OR9Q1: variants seen among roughly 807,000 people sequenced by gnomAD.
The protein encoded by OR9Q1 is olfactory receptor family 9 subfamily Q member 1.
For missense variants in OR9Q1, 374 were observed against 378.8 expected, an observed-to-expected ratio of 0.99 and a Z score of 0.11; for synonymous variants, 153 against 148.6, an observed-to-expected ratio of 1.03 and a Z score of -0.22.
At chr11:58,090,160 C>A (rs1565073424) in intron 2 of OR9Q1, among the ~76,000 whole-genome samples, 1 of 152,160 alleles carries the variant, frequency 6.6e-6, no homozygotes, top group African/African-American at 2.4e-5. Context: ...TCTGATTGCG[C>A]TGGTCAGAAC....
chr11:58,127,072 C>T (rs147707368), intron 2 of OR9Q1, among the ~76,000 whole-genome samples: 334 of 152,306 alleles, frequency 2.2e-3, no homozygotes, highest in African/African-American at 7.5e-3. Flanking sequence ...ACCTCTGCCT[C>T]CCTAGTAGCT....
intron 1 of OR9Q1, among the ~76,000 whole-genome samples, chr11:58,053,465 G>A (rs71460555): frequency 5.1e-5 from 4 of 78,946 alleles, no homozygotes; most frequent in Admixed American, 3.5e-4. Context: ...GGGGGAGGGG[G>A]GAGGGATAGC....
At chr11:58,046,322 T>C (rs983225574) in intron 1 of OR9Q1, among the ~76,000 whole-genome samples, 1 of 152,138 alleles carries the variant, frequency 6.6e-6, no homozygotes, top group Non-Finnish European at 1.5e-5. Context: ...GTGATAGTCA[T>C]GGGAATAAAA....
At chr11:58,097,397 A>G (rs1012542478) in intron 2 of OR9Q1, among the ~76,000 whole-genome samples, 1 of 152,224 alleles carries the variant, frequency 6.6e-6, no homozygotes, top group Non-Finnish European at 1.5e-5. Flanking sequence ...ATGTGTATTT[A>G]ACATTATAAG....
rs756729302 is a variant in OR9Q1, at chr11:58,179,741, T to A, written c.297T>A (p.Ala99=). The change falls in exon 3 of 3, where the codon GCT becomes GCA. Residue 99 remains alanine (A), a synonymous_variant. Transcript: ENST00000335397. ...GAALSYTRCA[A]QFFLFTFFGS... ...CTTTATCTTACACACGCTGTGCTGC[T>A]CAGTTCTTTCTGTTCACCTTCTTTG... 6.2e-7 allele frequency: 1 copy of A among 1,614,092 alleles called. No homozygotes were observed. Among genetic ancestry groups the A allele is most frequent in the Non-Finnish European group, 8.5e-7 (1 of 1,180,044 alleles).
intron 2 of OR9Q1, among the ~76,000 whole-genome samples, chr11:58,140,150 A>C (rs2119865014): frequency 1.3e-5 from 2 of 151,820 alleles, no homozygotes; most frequent in Middle Eastern, 3.4e-3. Context: ...TTTTTCTTGT[A>C]AATTTGTTTG....
intron 1 of OR9Q1, among the ~76,000 whole-genome samples, chr11:58,030,734 T>C (rs1478068266): frequency 6.6e-6 from 1 of 152,246 alleles, no homozygotes; most frequent in African/African-American, 2.4e-5. Flanking sequence ...GTATCCTGCC[T>C]TATTCTTAGC....
chr11:58,158,061 G>C (rs1854424044), intron 2 of OR9Q1, among the ~76,000 whole-genome samples: 1 of 152,154 alleles, frequency 6.6e-6, no homozygotes, highest in African/African-American at 2.4e-5. Flanking sequence ...AAGCTGAACG[G>C]CTGTGAGGCC....
At chr11:58,090,315 C>T (rs923773454) in intron 2 of OR9Q1, among the ~76,000 whole-genome samples, 5 of 152,094 alleles carry the variant, frequency 3.3e-5, no homozygotes, top group African/African-American at 1.2e-4. Flanking sequence ...TTTTGAGATA[C>T]GTTCCATCAA....
chr11:58,132,418 G>T (rs147302560), intron 2 of OR9Q1, among the ~76,000 whole-genome samples: 374 of 152,242 alleles, frequency 2.5e-3, no homozygotes, highest in African/African-American at 8.7e-3. Flanking sequence ...CTGAGCCTCG[G>T]TTTCCTCAGT....
intron 2 of OR9Q1, among the ~76,000 whole-genome samples, chr11:58,090,544 T>G (rs1459660848): frequency 6.6e-6 from 1 of 152,212 alleles, no homozygotes; most frequent in Non-Finnish European, 1.5e-5. Flanking sequence ...GGATTTGGTT[T>G]GCCAGTATTT....
chr11:58,148,912 G>A (rs1459875378), intron 2 of OR9Q1, among the ~76,000 whole-genome samples: 1 of 152,144 alleles, frequency 6.6e-6, no homozygotes, highest in Non-Finnish European at 1.5e-5. Context: ...TATACAATTC[G>A]TCCTTTTGGT....
intron 2 of OR9Q1, among the ~76,000 whole-genome samples, chr11:58,126,853 A>G (rs1189527274): frequency 1.3e-5 from 2 of 152,172 alleles, no homozygotes; most frequent in African/African-American, 2.4e-5. Context: ...GGGTGACTAT[A>G]CAGTAGATAT....
chr11:58,045,763 G>A (rs902096257), intron 1 of OR9Q1, among the ~76,000 whole-genome samples: 1 of 152,198 alleles, frequency 6.6e-6, no homozygotes, highest in South Asian at 2.1e-4. Flanking sequence ...GTCATCCACA[G>A]TGAATCAGAA....
At chr11:58,096,586 C>A (rs909542224) in intron 2 of OR9Q1, among the ~76,000 whole-genome samples, 6 of 152,136 alleles carry the variant, frequency 3.9e-5, no homozygotes, top group Non-Finnish European at 8.8e-5. Flanking sequence ...ACTATCAGCT[C>A]ACTGCAGCCT....
intron 2 of OR9Q1, among the ~76,000 whole-genome samples, chr11:58,164,620 T>C (rs182749093): frequency 6.5e-4 from 99 of 152,298 alleles, no homozygotes; most frequent in Non-Finnish European, 1.2e-3. Flanking sequence ...TTACTTGTCA[T>C]GTGCACAGTG....
intron 2 of OR9Q1, among the ~76,000 whole-genome samples, chr11:58,157,126 AG>A (rs1238945540): frequency 6.6e-6 from 1 of 152,062 alleles, no homozygotes; most frequent in African/African-American, 2.4e-5. Flanking sequence ...TACTCTCCTT[AG>A]CCCTGCCCTG....
intron 2 of OR9Q1, among the ~76,000 whole-genome samples, chr11:58,069,600 G>A (rs545568483): frequency 2.6e-5 from 4 of 152,256 alleles, no homozygotes; most frequent in Admixed American, 6.5e-5. Flanking sequence ...CAGGCTGGGC[G>A]CCATGGCTCA....
chr11:58,101,994 C>T (rs982298878), intron 2 of OR9Q1, among the ~76,000 whole-genome samples: 1 of 152,170 alleles, frequency 6.6e-6, no homozygotes, highest in South Asian at 2.1e-4. Context: ...GATCCACCCC[C>T]CTTGGCTTCC....
Sources: allele counts gnomAD v4.1 joint callset (sites outside exome capture counted in the v4.1 genomes callset), GRCh38; gene constraint gnomAD v4.1.1; transcripts MANE v1.5; gene names NCBI Gene and HGNC (gene_info 2026-07-23, HGNC 2026-07-21).